EYS: variants seen among roughly 807,000 people sequenced by gnomAD.
EYS encodes the protein EGF-like photoreceptor maintenance factor, also known as protein eyes shut homolog.
Under a neutral mutation model 282.1 loss-of-function variants are expected in EYS, and 250 were observed. The observed-to-expected ratio is 0.89, with a 90% CI of 0.80 to 0.98. The LOEUF is 0.98. Ranked by LOEUF, EYS falls within the 50% of genes least tolerant of loss-of-function variation. EYS has a pLI of 0.00. For missense variants in EYS, 4,016 were observed against 3,709.0 expected, an observed-to-expected ratio of 1.08 and a Z score of -2.15; for synonymous variants, 1,355 against 1,282.9, an observed-to-expected ratio of 1.06 and a Z score of -1.20.
At chr6:64,762,067 C>CT (rs1773177816) in intron 22 of EYS, among the ~76,000 whole-genome samples, 1 of 151,648 alleles carries the variant, frequency 6.6e-6, no homozygotes, top group South Asian at 2.1e-4. Context: ...ATGTTCTTAC[C>CT]ACAAAGAAAT....
chr6:63,799,215 T>C (rs1051049965), intron 37 of EYS, among the ~76,000 whole-genome samples: 1 of 151,618 alleles, frequency 6.6e-6, no homozygotes, highest in African/African-American at 2.4e-5. Context: ...GGTCTTGCCA[T>C]GTTGGCCAGG....
intron 24 of EYS, among the ~76,000 whole-genome samples, chr6:64,601,135 T>TACAA (rs1271333695): frequency 6.6e-6 from 1 of 152,074 alleles, no homozygotes; most frequent in Non-Finnish European, 1.5e-5. Flanking sequence ...TTGTAGCCTC[T>TACAA]AGTTTGGAAT....
intron 2 of EYS, among the ~76,000 whole-genome samples, chr6:65,548,218 T>C (rs1270796408): frequency 1.5e-5 from 1 of 65,500 alleles, no homozygotes; most frequent in African/African-American, 1.1e-4. Flanking sequence ...GCAGAATTTA[T>C]TGATAAAGAA....
chr6:63,968,827 T>C (rs150255356), intron 35 of EYS, among the ~76,000 whole-genome samples: 12 of 152,332 alleles, frequency 7.9e-5, no homozygotes, highest in East Asian at 7.7e-4. Context: ...AGAAATTTCA[T>C]TGGAATTTTT....
At chr6:64,440,276 C>T (rs894402791) in intron 26 of EYS, among the ~76,000 whole-genome samples, 1 of 151,826 alleles carries the variant, frequency 6.6e-6, no homozygotes, top group African/African-American at 2.4e-5. Context: ...ATTTTATATC[C>T]TATGTGTGCT....
intron 36 of EYS, among the ~76,000 whole-genome samples, chr6:63,846,089 C>T (rs745473981): frequency 3.9e-5 from 6 of 152,080 alleles, no homozygotes; most frequent in African/African-American, 7.2e-5. Flanking sequence ...CACAAACATA[C>T]AACAAACCTC....
intron 12 of EYS, among the ~76,000 whole-genome samples, chr6:65,137,449 C>T (rs1776052857): frequency 6.6e-6 from 1 of 152,016 alleles, no homozygotes; most frequent in East Asian, 1.9e-4. Context: ...AGACTGACCA[C>T]TTGATATTAA....
intron 14 of EYS, among the ~76,000 whole-genome samples, chr6:64,989,950 A>G (rs1424528162): frequency 2.0e-5 from 3 of 151,110 alleles, no homozygotes; most frequent in African/African-American, 7.3e-5. Flanking sequence ...GCAGAAGACT[A>G]AAGAACAGAG....
At chr6:64,426,041 G>T (rs1435044935) in intron 28 of EYS, among the ~76,000 whole-genome samples, 1 of 152,018 alleles carries the variant, frequency 6.6e-6, no homozygotes, top group East Asian at 1.9e-4. Flanking sequence ...GTTCTATGCT[G>T]GAACAGGCAT....
At chr6:65,191,459 G>A (rs549305002) in intron 12 of EYS, among the ~76,000 whole-genome samples, 1 of 151,804 alleles carries the variant, frequency 6.6e-6, no homozygotes, top group African/African-American at 2.4e-5. Context: ...GCCTTTGATT[G>A]TCTTTTTTCC....
intron 5 of EYS, among the ~76,000 whole-genome samples, chr6:65,471,417 G>A (rs944524762): frequency 6.6e-6 from 1 of 151,744 alleles, no homozygotes; most frequent in Non-Finnish European, 1.5e-5. Context: ...CAAAAAAAAG[G>A]AGTTTATAAA....
Position 65,167,443 on chromosome 6 carries a change from T to C in EYS, c.2024-109716A>G, listed in dbSNP as rs140899916. Among the ~76,000 whole-genome samples, 51 of 151,410 alleles carry C rather than the reference T, an allele frequency of 3.4e-4. 1 individual carries two copies. Among genetic ancestry groups the C allele is most frequent in the African/African-American group, 1.2e-3 (48 of 41,460 alleles). On this transcript the variant is annotated intron_variant, in intron 12 of 42. Transcript: ENST00000503581. Reference sequence around the variant, plus strand: ...TCTATAAATGGGTATATTGTACACTTTTAAAAAGTGAATTTTTATGGTATG... The same window carrying C: ...TCTATAAATGGGTATATTGTACACTCTTAAAAAGTGAATTTTTATGGTATG...
At chr6:64,964,722 T>C (rs770418285) in intron 14 of EYS, among the ~76,000 whole-genome samples, 5 of 152,142 alleles carry the variant, frequency 3.3e-5, no homozygotes, top group Non-Finnish European at 7.4e-5. Context: ...ATTAATAAAA[T>C]TGAGTTCATT....
chr6:64,865,444 G>A (rs1019742541), intron 19 of EYS, among the ~76,000 whole-genome samples: 1 of 152,042 alleles, frequency 6.6e-6, no homozygotes, highest in African/African-American at 2.4e-5. Flanking sequence ...AGGCATAGAG[G>A]AGAAAAAACG....
At chr6:64,703,406 C>T (rs999601019) in intron 22 of EYS, among the ~76,000 whole-genome samples, 2,273 of 32,112 alleles carry the variant, frequency 0.071, 63 homozygotes, top group East Asian at 0.23. Context: ...CACACACACA[C>T]ACACATATAT....
intron 26 of EYS, among the ~76,000 whole-genome samples, chr6:64,512,270 G>A (rs1371937027): frequency 6.6e-6 from 1 of 151,996 alleles, no homozygotes; most frequent in African/African-American, 2.4e-5. Flanking sequence ...TCATTATGTA[G>A]GAGAAGCGTC....
intron 30 of EYS, among the ~76,000 whole-genome samples, chr6:64,283,908 C>T (rs1768399737): frequency 6.6e-6 from 1 of 152,122 alleles, no homozygotes; most frequent in Admixed American, 6.6e-5. Context: ...GGAACCGCCT[C>T]CACGATTCAA....
At chr6:64,452,239 G>C (rs1191270777) in intron 26 of EYS, among the ~76,000 whole-genome samples, 1 of 152,020 alleles carries the variant, frequency 6.6e-6, no homozygotes, top group African/African-American at 2.4e-5. Flanking sequence ...GCCAAATCAT[G>C]AGTGAACTCC....
intron 12 of EYS, among the ~76,000 whole-genome samples, chr6:65,144,330 A>T (rs1764421319): frequency 6.6e-6 from 1 of 152,166 alleles, no homozygotes; most frequent in South Asian, 2.1e-4. Flanking sequence ...AAGAGTACGG[A>T]AAAAGAAACT....
Sources: allele counts gnomAD v4.1 joint callset (sites outside exome capture counted in the v4.1 genomes callset), GRCh38; gene constraint gnomAD v4.1.1; transcripts MANE v1.5; gene names NCBI Gene and HGNC (gene_info 2026-07-23, HGNC 2026-07-21).